TBC1D19: variants seen among roughly 807,000 people sequenced by gnomAD.
The protein encoded by TBC1D19 is TBC1 domain family member 19, also known as TBC1 domain family, member 19.
In TBC1D19, 60 loss-of-function variants were observed where a neutral mutation model predicts 89.0. The ratio of observed to expected loss-of-function variants is 0.67; its 90% CI spans 0.55 to 0.84. The LOEUF is 0.84. TBC1D19 is among the 40% of genes least tolerant of loss of function. The pLI is 0.00. For missense variants in TBC1D19, 500 were observed against 610.8 expected, an observed-to-expected ratio of 0.82 and a Z score of 1.91; for synonymous variants, 189 against 199.7, an observed-to-expected ratio of 0.95 and a Z score of 0.45.
chr4:26,707,154 A>G (rs1021624790), intron 13 of TBC1D19, among the ~76,000 whole-genome samples: 5 of 151,974 alleles, frequency 3.3e-5, no homozygotes, highest in African/African-American at 7.2e-5. Flanking sequence ...GTCCACTGTT[A>G]CACTAGAATT....
Position 26,673,631 on chromosome 4 carries a change from T to A in TBC1D19, c.704-145T>A, listed in dbSNP as rs977381033. On this transcript the variant is annotated intron_variant, in intron 10 of 20. Transcript: ENST00000264866. ...TAGGGCTGTATTGAAATCCAGAGAA[T>A]AAATTTTAAAAGGTAAAGATACGGT... The A allele has an allele frequency of 1.9e-5, 12 of 626,218 alleles. No individual in the cohort carries two copies. In the African/African-American group the frequency reaches 2.3e-4, roughly 12 times the overall value. The allele number at this position is 626,218 out of a possible 1,614,324, so 38.8% of individuals were successfully genotyped here. A position where few individuals can be genotyped will look rare whatever the true frequency, so the allele number is the denominator to read the frequency against.
intron 7 of TBC1D19, among the ~76,000 whole-genome samples, chr4:26,648,440 G>A (rs1744109564): frequency 6.6e-6 from 1 of 152,166 alleles, no homozygotes; most frequent in African/African-American, 2.4e-5. Context: ...TTGGCCAAGG[G>A]TCACTACCAG....
At chr4:26,787,406 CT>C in the TBC1D19 span, among the ~76,000 whole-genome samples, 1 of 152,092 alleles carries the variant, frequency 6.6e-6, no homozygotes, top group Non-Finnish European at 1.5e-5. Context: ...CTGTCTAAAA[CT>C]AGGTTTATTA....
intron 1 of TBC1D19, among the ~76,000 whole-genome samples, chr4:26,602,424 C>T (rs1740669793): frequency 6.7e-6 from 1 of 150,054 alleles, no homozygotes; most frequent in African/African-American, 2.4e-5. Flanking sequence ...GATACCAAAC[C>T]CTATTGTATT....
At chr4:26,781,453 T>C in the TBC1D19 span, among the ~76,000 whole-genome samples, 3 of 152,176 alleles carry the variant, frequency 2.0e-5, no homozygotes, top group Non-Finnish European at 4.4e-5. Flanking sequence ...CTGGCCTATG[T>C]AGTTTCTCTC....
chr4:26,607,824 A>G lies in TBC1D19; in HGVS notation c.100-5345A>G, dbSNP rs115504572. On this transcript the variant is annotated intron_variant, in intron 1 of 20. Transcript: ENST00000264866. ...TGTTTGGGACACTTCTTACAAATGC[A>G]TGCTTGATGATAAAGATATAATTCT... Among the ~76,000 whole-genome samples the G allele has an allele frequency of 6.4e-3, 980 of 152,268 alleles. 9 individuals carry two copies. Among genetic ancestry groups the G allele is most frequent in the African/African-American group, 0.023 (939 of 41,550 alleles).
intron 19 of TBC1D19, among the ~76,000 whole-genome samples, chr4:26,749,448 G>GTTT (rs59744575): frequency 2.8e-5 from 3 of 107,150 alleles, no homozygotes; most frequent in African/African-American, 9.2e-5. Context: ...TATTCGGGTT[G>GTTT]TTTTTTTTTT....
At chr4:26,821,915 A>T in the TBC1D19 span, among the ~76,000 whole-genome samples, 1 of 152,166 alleles carries the variant, frequency 6.6e-6, no homozygotes, top group Admixed American at 6.5e-5. Context: ...GGTGGCAGAA[A>T]TGTTTTCCTT....
chr4:26,673,547 T>A (rs1712528847), intron 10 of TBC1D19, among the ~76,000 whole-genome samples: 1 of 150,758 alleles, frequency 6.6e-6, no homozygotes, highest in South Asian at 2.1e-4. Flanking sequence ...AAGTCCCTCC[T>A]TATCCACACT....
the TBC1D19 span, among the ~76,000 whole-genome samples, chr4:26,826,493 A>G: frequency 1.3e-5 from 2 of 152,212 alleles, no homozygotes; most frequent in Non-Finnish European, 2.9e-5. Context: ...TAAGTTTTAA[A>G]TTCTAAACAA....
At chr4:26,669,993 T>G (rs1712149990) in intron 9 of TBC1D19, among the ~76,000 whole-genome samples, 1 of 151,712 alleles carries the variant, frequency 6.6e-6, no homozygotes, top group Admixed American at 6.6e-5. Context: ...TATGGGGTTC[T>G]ATGTGAAAAC....
At chr4:26,644,362 A>G (rs965703967) in intron 7 of TBC1D19, among the ~76,000 whole-genome samples, 3 of 152,258 alleles carry the variant, frequency 2.0e-5, no homozygotes, top group African/African-American at 7.2e-5. Flanking sequence ...GGCCTTCGAC[A>G]AAATTCAACA....
chr4:26,651,313 G>A (rs1744361648), intron 7 of TBC1D19, among the ~76,000 whole-genome samples: 1 of 152,078 alleles, frequency 6.6e-6, no homozygotes, highest in Admixed American at 6.6e-5. Context: ...GGGCAGTATG[G>A]CCATTTTCAC....
At chr4:26,840,004 T>C in the TBC1D19 span, among the ~76,000 whole-genome samples, 1 of 152,132 alleles carries the variant, frequency 6.6e-6, no homozygotes, top group Non-Finnish European at 1.5e-5. Context: ...GATAAATATT[T>C]TGATTTTTTT....
At chr4:26,811,175 A>G in the TBC1D19 span, among the ~76,000 whole-genome samples, 3 of 152,388 alleles carry the variant, frequency 2.0e-5, no homozygotes, top group East Asian at 5.8e-4. Flanking sequence ...CTATGCAGCC[A>G]TAAAAAAGAA....
the TBC1D19 span, among the ~76,000 whole-genome samples, chr4:26,795,085 G>A: frequency 1.3e-5 from 2 of 152,120 alleles, no homozygotes; most frequent in Non-Finnish European, 2.9e-5. Context: ...TCCACCTCAG[G>A]AAAATGCCAA....
intron 1 of TBC1D19, among the ~76,000 whole-genome samples, chr4:26,603,350 C>T (rs1368008388): frequency 1.3e-5 from 2 of 151,900 alleles, no homozygotes; most frequent in East Asian, 1.9e-4. Flanking sequence ...ATGTATGATA[C>T]GTAAAAAATT....
chr4:26,679,772 T>C (rs1713168764), intron 11 of TBC1D19, among the ~76,000 whole-genome samples: 1 of 152,120 alleles, frequency 6.6e-6, no homozygotes, highest in Non-Finnish European at 1.5e-5. Flanking sequence ...GCCATGGGAG[T>C]CTACCTCTTG....
At chr4:26,846,615 A>G in the TBC1D19 span, among the ~76,000 whole-genome samples, 1 of 152,166 alleles carries the variant, frequency 6.6e-6, no homozygotes, top group Non-Finnish European at 1.5e-5. Flanking sequence ...ATCAGTTTGT[A>G]AATTATATAA....
Sources: gnomAD v4.1 joint callset for allele counts (sites outside exome capture counted in the v4.1 genomes callset) on GRCh38, gnomAD v4.1.1 for gene constraint, MANE v1.5 for transcripts, NCBI Gene and HGNC (gene_info 2026-07-23, HGNC 2026-07-21) for gene names.